NCKAP5: variants seen among roughly 807,000 people sequenced by gnomAD.
NCKAP5 encodes NCK associated protein 5, also known as nck-associated protein 5.
Under a neutral mutation model 167.0 loss-of-function variants are expected in NCKAP5, and 92 were observed. The observed-to-expected ratio is 0.55, with a 90% confidence interval of 0.47 to 0.66. The LOEUF (loss-of-function observed/expected upper bound fraction) is 0.66. Among genes scored for constraint, NCKAP5 ranks in the 30% least tolerant of loss-of-function variants. The probability of loss-of-function intolerance (pLI) is 0.00; values close to 1 mark genes in which losing one functional copy is unlikely to be tolerated. For missense variants in NCKAP5, 2,378 were observed against 2,315.0 expected, an observed-to-expected ratio of 1.03 and a Z score of -0.56; for synonymous variants, 891 against 877.4, an observed-to-expected ratio of 1.02 and a Z score of -0.27.
upstream of NCKAP5, among the ~76,000 whole-genome samples, chr2:133,569,984 A>T (rs1292754693): frequency 6.6e-6 from 1 of 151,900 alleles, no homozygotes; most frequent in Non-Finnish European, 1.5e-5. Flanking sequence ...GAGCACAAAG[A>T]TATAAGCACA....
At chr2:133,640,964 C>T in the NCKAP5 span, among the ~76,000 whole-genome samples, 1 of 152,186 alleles carries the variant, frequency 6.6e-6, no homozygotes, top group Non-Finnish European at 1.5e-5. Flanking sequence ...AATAACTCTC[C>T]CCTTTTCCTG....
chr2:132,795,343 T>C (rs1684492077), intron 12 of NCKAP5, among the ~76,000 whole-genome samples: 1 of 152,342 alleles, frequency 6.6e-6, no homozygotes, highest in Non-Finnish European at 1.5e-5. Context: ...TATTAGCTTC[T>C]ATTGCAACAT....
chr2:133,316,197 C>T (rs1218752907), intron 3 of NCKAP5, among the ~76,000 whole-genome samples: 1 of 152,198 alleles, frequency 6.6e-6, no homozygotes, highest in African/African-American at 2.4e-5. Flanking sequence ...CTGCCACAAC[C>T]ACCATGCAAC....
At chr2:133,197,077 A>C (rs1163299431) in intron 5 of NCKAP5, among the ~76,000 whole-genome samples, 2 of 152,186 alleles carry the variant, frequency 1.3e-5, no homozygotes, top group Non-Finnish European at 2.9e-5. Flanking sequence ...AGAGAAGAAA[A>C]ACTAATGTTC....
chr2:133,151,522 A>C (rs1298247731), intron 5 of NCKAP5, among the ~76,000 whole-genome samples: 1 of 152,330 alleles, frequency 6.6e-6, no homozygotes, highest in South Asian at 2.1e-4. Flanking sequence ...GCAGAGGGCA[A>C]GTAAAAATAT....
intron 3 of NCKAP5, among the ~76,000 whole-genome samples, chr2:133,498,476 AAGGAAGGCAGGC>A (rs1682160906): frequency 8.4e-6 from 1 of 118,380 alleles, no homozygotes; most frequent in African/African-American, 4.1e-5. Context: ...GGAAGGAAGG[AAGGAAGGCAGGC>A]AGGCAGGCAG....
intron 4 of NCKAP5, among the ~76,000 whole-genome samples, chr2:133,248,117 T>A (rs72985667): frequency 0.026 from 3,934 of 152,298 alleles, 155 homozygotes; most frequent in African/African-American, 0.085. Context: ...CTAGAACTTG[T>A]CCATGTGCAG....
intron 8 of NCKAP5, among the ~76,000 whole-genome samples, chr2:132,934,442 G>A (rs1461979459): frequency 1.3e-5 from 2 of 152,020 alleles, no homozygotes; most frequent in Non-Finnish European, 2.9e-5. Flanking sequence ...ACTTAGTGGC[G>A]GGTACCTGTA....
chr2:133,497,496 C>A (rs1190498167), intron 3 of NCKAP5, among the ~76,000 whole-genome samples: 2 of 152,186 alleles, frequency 1.3e-5, no homozygotes, highest in African/African-American at 4.8e-5. Context: ...GCCCAAATTC[C>A]TACCACAGAG....
intron 5 of NCKAP5, among the ~76,000 whole-genome samples, chr2:133,176,744 T>C (rs2084477453): frequency 6.6e-6 from 1 of 152,170 alleles, no homozygotes; most frequent in African/African-American, 2.4e-5. Flanking sequence ...ATGACAGTCA[T>C]GAGTGTATGT....
At chr2:133,325,571 TCA>T (rs942356980) in intron 3 of NCKAP5, among the ~76,000 whole-genome samples, 2 of 152,202 alleles carry the variant, frequency 1.3e-5, no homozygotes, top group Admixed American at 6.5e-5. Context: ...GTTGAATTGC[TCA>T]GTTATTGTTG....
intron 5 of NCKAP5, among the ~76,000 whole-genome samples, chr2:133,199,585 TATCA>T (rs2085584873): frequency 1.3e-5 from 2 of 152,002 alleles, no homozygotes; most frequent in African/African-American, 4.8e-5. Context: ...TTAACAACAA[TATCA>T]ATCAACCAAA....
chr2:132,713,653 A>G (rs994094616), intron 19 of NCKAP5, among the ~76,000 whole-genome samples: 2 of 152,202 alleles, frequency 1.3e-5, no homozygotes, highest in African/African-American at 4.8e-5. Flanking sequence ...CGGGAAAGAA[A>G]CATTACAGAA....
chr2:132,689,326 C>T (rs527388096), intron 19 of NCKAP5, among the ~76,000 whole-genome samples: 1 of 152,218 alleles, frequency 6.6e-6, no homozygotes, highest in South Asian at 2.1e-4. Flanking sequence ...TAAGAGTAAC[C>T]CATTGGGCTG....
chr2:133,526,729 A>G (rs1207128996), intron 2 of NCKAP5, among the ~76,000 whole-genome samples: 1 of 151,906 alleles, frequency 6.6e-6, no homozygotes, highest in Admixed American at 6.6e-5. Flanking sequence ...CTTTCCTCTG[A>G]CTCTTCTCCA....
chr2:133,163,396 G>C (rs981862149), intron 5 of NCKAP5, among the ~76,000 whole-genome samples: 4 of 152,204 alleles, frequency 2.6e-5, no homozygotes, highest in Non-Finnish European at 1.5e-5. Flanking sequence ...TTGCTCCTGA[G>C]CTGCAACAGG....
chr2:133,615,193 T>C, the NCKAP5 span, among the ~76,000 whole-genome samples: 5,010 of 151,972 alleles, frequency 0.033, 296 homozygotes, highest in East Asian at 0.22. Flanking sequence ...CACTGCAAAA[T>C]CATGCCAAAA....
intron 5 of NCKAP5, among the ~76,000 whole-genome samples, chr2:133,161,536 C>T (rs1472124575): frequency 6.6e-6 from 1 of 152,188 alleles, no homozygotes. Context: ...CGGGTACCCA[C>T]ATAGCTCTGT....
chr2:133,507,551 T>G (rs1382725214), intron 3 of NCKAP5, among the ~76,000 whole-genome samples: 2 of 152,196 alleles, frequency 1.3e-5, no homozygotes, highest in Non-Finnish European at 2.9e-5. Flanking sequence ...GCCTGGCATG[T>G]AAAGAAACCA....
Sources: allele counts gnomAD v4.1 joint callset (sites outside exome capture counted in the v4.1 genomes callset), GRCh38; gene constraint gnomAD v4.1.1; transcripts MANE v1.5; gene names NCBI Gene and HGNC (gene_info 2026-07-23, HGNC 2026-07-21).